Variants in ZDHHC1 observed in about 807,000 individuals in gnomAD.
ZDHHC1 encodes palmitoyltransferase ZDHHC1.
Under a neutral mutation model 46.9 loss-of-function variants are expected in ZDHHC1, and 45 were observed. The observed-to-expected ratio is 0.96, with a 90% CI of 0.76 to 1.23. The LOEUF (loss-of-function observed/expected upper bound fraction) is 1.23, where lower values mean the gene tolerates loss of function less well. Among genes scored for constraint, ZDHHC1 ranks in the 50% most tolerant of loss-of-function variants. ZDHHC1 has a pLI of 0.00. For synonymous variants in ZDHHC1, 291 were observed against 286.0 expected, an observed-to-expected ratio of 1.02 and a Z score of -0.18; for missense variants, 649 against 670.8, an observed-to-expected ratio of 0.97 and a Z score of 0.36.
chr16:67,399,051 T>G (rs1597535428), intron 5 of ZDHHC1, 107 bp from the exon 6 acceptor site: 16 of 1,418,858 alleles, frequency 1.1e-5, no homozygotes, highest in South Asian at 1.4e-5. Flanking sequence ...GGGCTGAGGG[T>G]GACCCCACAG....
At position 67,394,863 on chromosome 16, in the gene ZDHHC1, G is replaced by T; in HGVS notation, c.1196C>A (p.Ser399Ter). 6.4e-7 allele frequency: 1 copy of T among 1,567,026 alleles called. No homozygotes were observed. Among genetic ancestry groups the T allele is most frequent in the South Asian group, 1.2e-5 (1 of 86,382 alleles). ...GPRAPSRRSS[S>*]STDSADASPV... ...GCTGGCGTCCGCGGAATCCGTCGACGAGCTGGAGCGGCGGCTGGGGGCCCT... is the reference window on the plus strand; with the variant it reads ...GCTGGCGTCCGCGGAATCCGTCGACTAGCTGGAGCGGCGGCTGGGGGCCCT... Residue 399 changes from serine to a stop codon, truncating the protein, a stop_gained, in exon 12 of 12, where the codon TCG (serine) becomes TAG (stop). Transcript: ENST00000565726. LOFTEE classifies it low-confidence loss of function (END_TRUNC).
rs376905976 is a variant in ZDHHC1 at position 67,394,983 on chromosome 16, G to A, written c.1165+19C>T. 949 of 1,602,298 alleles carry A rather than the reference G, an allele frequency of 5.9e-4. No homozygotes were observed. The highest frequency in any genetic ancestry group is 7.8e-4 in the Non-Finnish European group (921 of 1,174,722). The stretch of plus-strand genomic sequence containing the variant: ...CCTCGAGTTCCCAGAGCAGGACCCG[G>A]ACAGGGAGAGGCGCTCACCCGACGC... On this transcript the variant is annotated intron_variant, in intron 11 of 11. Transcript: ENST00000565726.
intron 4 of ZDHHC1, among the ~76,000 whole-genome samples, chr16:67,399,793 T>C (rs1352662219): frequency 2.0e-5 from 3 of 151,972 alleles, no homozygotes; most frequent in African/African-American, 7.3e-5. Context: ...AGCCAGAAGA[T>C]GCAGGTGTGG....
Position 67,406,129 on chromosome 16 carries a change from G to A in ZDHHC1, c.252+71C>T. 6.5e-7 allele frequency: 1 copy of A among 1,538,372 alleles called. No homozygotes were observed. The highest frequency in any genetic ancestry group is 1.3e-5 in the South Asian group (1 of 78,232). On this transcript the variant is annotated intron_variant, in intron 3 of 11. Coordinates refer to ENST00000565726, the MANE Select transcript of ZDHHC1 (RefSeq NM_001323627.2). This position sits in a 1 kb window ranked among gnomAD's most constrained non-coding sequence, Gnocchi z 4.1. Reference sequence around the variant, plus strand: ...CCCCAAGGCTCTCAACCCGGCTTTGGGCCTCCGCTGTGCCAGCCATCCTTT... The same window carrying A: ...CCCCAAGGCTCTCAACCCGGCTTTGAGCCTCCGCTGTGCCAGCCATCCTTT...
chr16:67,398,361 G>C, intron 7 of ZDHHC1, 37 bp from the exon 8 acceptor site: 2 of 1,593,304 alleles, frequency 1.3e-6, no homozygotes, highest in Non-Finnish European at 1.7e-6. Flanking sequence ...GCGGTGGAAG[G>C]GGGACTCTGG....
At chr16:67,413,805 C>T (rs2040789129) in intron 1 of ZDHHC1, among the ~76,000 whole-genome samples, 1 of 151,812 alleles carries the variant, frequency 6.6e-6, no homozygotes, top group Non-Finnish European at 1.5e-5. Flanking sequence ...CAGGCATGGA[C>T]GTGGGTGCCT....
At chr16:67,403,511 CA>C (rs1163895108) in intron 3 of ZDHHC1, among the ~76,000 whole-genome samples, 2 of 152,114 alleles carry the variant, frequency 1.3e-5, no homozygotes, top group Non-Finnish European at 2.9e-5. Context: ...GCCGTGGAAA[CA>C]GAAGAGGACA....
chr16:67,406,167 C>T lies in ZDHHC1; in HGVS notation c.252+33G>A. On this transcript the variant is annotated intron_variant, in intron 3 of 11. Coordinates refer to ENST00000565726, the MANE Select transcript of ZDHHC1 (RefSeq NM_001323627.2). This position sits in a 1 kb window ranked among gnomAD's most constrained non-coding sequence, Gnocchi z 4.1. ...CCAGCCATCCTTTGCCTCCCCACTTCCACACACCAGCCCTACGCTTTCCCA... is the reference window on the plus strand; with the variant it reads ...CCAGCCATCCTTTGCCTCCCCACTTTCACACACCAGCCCTACGCTTTCCCA... The T allele has an allele frequency of 6.3e-7, 1 of 1,599,766 alleles. No homozygotes were observed. The highest frequency in any genetic ancestry group is 8.5e-7 in the Non-Finnish European group (1 of 1,170,906).
At chr16:67,396,681 G>A (rs1019979768) in intron 8 of ZDHHC1, among the ~76,000 whole-genome samples, 2 of 152,222 alleles carry the variant, frequency 1.3e-5, no homozygotes, top group African/African-American at 2.4e-5. Flanking sequence ...GGGGGCGCCA[G>A]CCTGGGCCGA....
rs1464307645 is a variant in ZDHHC1, at chr16:67,394,851, G to A, written c.1208C>T (p.Ser403Phe). The A allele has an allele frequency of 6.4e-7, 1 of 1,560,628 alleles. No individual in the cohort carries two copies. Among genetic ancestry groups the A allele is most frequent in the Admixed American group, 1.9e-5 (1 of 53,084 alleles). Reference protein sequence around the residue: ...PSRRSSSSTDSADASPVHAAG... With the variant: ...PSRRSSSSTDFADASPVHAAG... ...GGCGTGCACAGGGCTGGCGTCCGCG[G>A]AATCCGTCGACGAGCTGGAGCGGCG... Residue 403 changes from serine to phenylalanine, a missense_variant, in exon 12 of 12, where the codon TCC becomes TTC. Physicochemically the swap from Ser to Phe is radical, Grantham distance 155 (BLOSUM62 -2). Transcript: ENST00000565726.
At chr16:67,411,362 C>T (rs1450113075) in intron 1 of ZDHHC1, among the ~76,000 whole-genome samples, 1 of 152,086 alleles carries the variant, frequency 6.6e-6, no homozygotes, top group African/African-American at 2.4e-5. Flanking sequence ...AATGGGGAGA[C>T]GCAGGTGGGA....
intron 3 of ZDHHC1, among the ~76,000 whole-genome samples, chr16:67,403,773 C>A (rs993869282): frequency 1.6e-4 from 24 of 152,106 alleles, no homozygotes; most frequent in African/African-American, 4.3e-4. Context: ...TGCCACCATG[C>A]CCAGCTAATT....
At chr16:67,412,237 G>T (rs1373014134) in intron 1 of ZDHHC1, among the ~76,000 whole-genome samples, 1 of 152,028 alleles carries the variant, frequency 6.6e-6, no homozygotes, top group African/African-American at 2.4e-5. Flanking sequence ...GAGACCTAGT[G>T]GTCCAAGAGC....
rs1372619746 is a variant in ZDHHC1, at chr16:67,401,124, G to A, written c.261C>T (p.Gly87=). The change falls in exon 4 of 12, where the codon GGC becomes GGT. Residue 87 remains glycine (G), a synonymous_variant. Transcript: ENST00000565726. This position sits in a 1 kb window ranked among gnomAD's most constrained non-coding sequence, Gnocchi z 4.6. ...CCACAAGGTGGCCAGCAAAGATGGC[G>A]CCCATGCACTGGCCCAGCAGGTTAA... The part of the protein sequence containing the change: ...HWVPAGYACM[G]AIFAGHLVVH... 6.2e-6 allele frequency: 10 copies of A among 1,613,742 alleles called. No homozygotes were observed. The highest frequency in any genetic ancestry group is 2.2e-5 in the South Asian group (2 of 91,070).
Position 67,406,971 on chromosome 16 carries a change from G to T in ZDHHC1, c.10-529C>A, listed in dbSNP as rs1462764087. Among the ~76,000 whole-genome samples, 1 of 152,200 alleles carries T rather than the reference G, an allele frequency of 6.6e-6. No individual in the cohort carries two copies. Among genetic ancestry groups the T allele is most frequent in the Non-Finnish European group, 1.5e-5 (1 of 68,018 alleles). On this transcript the variant is annotated intron_variant, in intron 2 of 11. Transcript: ENST00000565726. This position sits in a 1 kb window ranked among gnomAD's most constrained non-coding sequence, Gnocchi z 4.1. ...GTGGACAGAAAATCCCTTTAGGACT[G>T]GGGGAGTCTGAAGCTCTGCCCCATG...
intron 1 of ZDHHC1, among the ~76,000 whole-genome samples, chr16:67,414,304 C>T (rs1426112721): frequency 2.0e-5 from 3 of 152,200 alleles, no homozygotes; most frequent in Non-Finnish European, 4.4e-5. Context: ...TAATTAAGCA[C>T]CACTGTTGCT....
At chr16:67,409,169 A>T (rs2040710353) in intron 1 of ZDHHC1, among the ~76,000 whole-genome samples, 1 of 152,120 alleles carries the variant, frequency 6.6e-6, no homozygotes. Flanking sequence ...CACCATCTGC[A>T]GCCAGGCGCC....
chr16:67,411,104 A>G (rs950856040), intron 1 of ZDHHC1, among the ~76,000 whole-genome samples: 1 of 152,114 alleles, frequency 6.6e-6, no homozygotes, highest in Non-Finnish European at 1.5e-5. Flanking sequence ...AAAAAAAACC[A>G]TTTAGGAATG....
intron 1 of ZDHHC1, among the ~76,000 whole-genome samples, chr16:67,412,717 C>T (rs1002481318): frequency 2.0e-5 from 3 of 152,224 alleles, no homozygotes; most frequent in African/African-American, 7.2e-5. Context: ...AAGTGCACTC[C>T]ACAGGAAACT....
Sources: allele counts gnomAD v4.1 joint callset (sites outside exome capture counted in the v4.1 genomes callset), GRCh38; gene constraint gnomAD v4.1.1; non-coding constraint Gnocchi (gnomAD v3.1); transcripts MANE v1.5; gene names NCBI Gene and HGNC (gene_info 2026-07-23, HGNC 2026-07-21).